PFKFB2: variants seen among roughly 807,000 people sequenced by gnomAD.
The protein encoded by PFKFB2 is 6-phosphofructo-2-kinase/fructose-2,6-bisphosphatase 2.
A neutral mutation model predicts 68.0 loss-of-function variants in PFKFB2; 53 were observed. That is an observed-to-expected ratio of 0.78 (90% CI 0.63 to 0.98). PFKFB2 has a LOEUF of 0.98. Ranked by LOEUF, PFKFB2 falls within the 50% of genes least tolerant of loss-of-function variation. The pLI is 0.00. For synonymous variants in PFKFB2, 222 were observed against 227.6 expected (o/e 0.98, Z 0.22); for missense variants, 451 against 642.0 (o/e 0.70, Z 3.22).
chr1:207,036,427 A>G (rs1682378022), intron 1 of PFKFB2, among the ~76,000 whole-genome samples: 1 of 152,214 alleles, frequency 6.6e-6, no homozygotes, highest in Non-Finnish European at 1.5e-5. Flanking sequence ...CTATAACTTC[A>G]TGAGTAACAA....
chr1:207,071,490 C>G lies in PFKFB2; in HGVS notation c.1286-19C>G, dbSNP rs759439853. ...TTGAACCTTTTTCTTTAAGTCCTCT[C>G]TTTCCTCTGTTTTCTCAGGGTGCAA... On this transcript the variant is annotated intron_variant, in intron 13 of 14. Coordinates refer to ENST00000367080, the MANE Select transcript of PFKFB2 (RefSeq NM_006212.2). 1.9e-6 allele frequency: 3 copies of G among 1,607,050 alleles called. No homozygotes were observed. The highest frequency in any genetic ancestry group is 2.6e-6 in the Non-Finnish European group (3 of 1,173,698).
intron 12 of PFKFB2, 59 bp from the exon 13 acceptor site, chr1:207,071,129 A>G (rs1475057122): frequency 7.5e-7 from 1 of 1,332,474 alleles, no homozygotes; most frequent in African/African-American, 1.4e-5. Flanking sequence ...TTCTTCCACT[A>G]ACTTGACCTT....
In PFKFB2 at chr1:207,073,051, G is replaced by T. The variant is rs1006309928; in HGVS notation, c.*680G>T. On this transcript the variant is annotated 3_prime_UTR_variant, in exon 15 of 15. Transcript: ENST00000367080. ...TCCTCTCCAGCCAGGTCCTGTAAGG[G>T]CCAGCCCAGACTACAGGACATCCAC... 30 of 985,354 alleles carry T rather than the reference G, an allele frequency of 3.0e-5. No individual in the cohort carries two copies. Among genetic ancestry groups the T allele is most frequent in the Non-Finnish European group, 3.6e-5 (30 of 830,012 alleles). 61.0% of individuals were successfully genotyped at this position (985,354 alleles called of 1,614,324 possible). A position where few individuals can be genotyped will look rare whatever the true frequency, so the allele number is the denominator to read the frequency against.
intron 2 of PFKFB2, among the ~76,000 whole-genome samples, chr1:207,058,156 G>A (rs1400364729): frequency 5.3e-5 from 8 of 152,334 alleles, no homozygotes; most frequent in Admixed American, 1.3e-4. Flanking sequence ...GTGTTTGACC[G>A]TAGTTATACG....
intron 2 of PFKFB2, among the ~76,000 whole-genome samples, chr1:207,057,483 GA>G (rs200362087): frequency 0.073 from 10,188 of 139,040 alleles, 1,138 homozygotes; most frequent in African/African-American, 0.24. Context: ...ATCTCAGGGG[GA>G]AAAAAAAAAA....
At chr1:207,065,212 GA>G (rs1683248543) in intron 8 of PFKFB2, 52 bp downstream of exon 8, 1 of 1,597,980 alleles carries the variant, frequency 6.3e-7, no homozygotes, top group Admixed American at 1.7e-5. Context: ...TCTCATCTGG[GA>G]AAATAACCTT....
In PFKFB2 at chr1:207,072,781, C is replaced by A; in HGVS notation, c.*410C>A. ...GGAGGGCGGGTGAGCAGTCGGGGGA[C>A]AAAAAGTCTATTTTTCCTTCACTTT... On this transcript the variant is annotated 3_prime_UTR_variant, in exon 15 of 15. Transcript: ENST00000367080. The A allele has an allele frequency of 2.0e-6, 2 of 1,000,874 alleles. No homozygotes were observed. Among genetic ancestry groups the A allele is most frequent in the Non-Finnish European group, 2.4e-6 (2 of 840,190 alleles). 62.0% of individuals were successfully genotyped at this position (1,000,874 alleles called of 1,614,324 possible). A position where few individuals can be genotyped will look rare whatever the true frequency, so the allele number is the denominator to read the frequency against.
chr1:207,054,145 G>T (rs911455167), intron 1 of PFKFB2, among the ~76,000 whole-genome samples: 1 of 151,556 alleles, frequency 6.6e-6, no homozygotes, highest in Non-Finnish European at 1.5e-5. Context: ...CTCTTGATCC[G>T]CCCGCCTCAG....
At chr1:207,061,846 T>C (rs1425123480) in intron 2 of PFKFB2, 107 bp from the exon 3 acceptor site, 5 of 938,778 alleles carry the variant, frequency 5.3e-6, no homozygotes, top group Non-Finnish European at 6.9e-6. Flanking sequence ...CACGCCACTG[T>C]ACTCCAGCCT....
In PFKFB2 at chr1:207,072,967, T is replaced by C; in HGVS notation, c.*596T>C. 1.0e-6 allele frequency: 1 copy of C among 985,744 alleles called. No individual in the cohort carries two copies. Among genetic ancestry groups the C allele is most frequent in the Non-Finnish European group, 1.2e-6 (1 of 830,192 alleles). 61.1% of individuals were successfully genotyped at this position (985,744 alleles called of 1,614,324 possible). ...GAGACAAGTCTGGCCCAGTTAATGC[T>C]TTCTGCAGTGGGTCTAAATGGATCT... On this transcript the variant is annotated 3_prime_UTR_variant, in exon 15 of 15. Transcript: ENST00000367080.
At chr1:207,043,507 T>C (rs1237616824) in intron 2 of PFKFB2, among the ~76,000 whole-genome samples, 2 of 152,198 alleles carry the variant, frequency 1.3e-5, no homozygotes, top group African/African-American at 2.4e-5. Flanking sequence ...TATAGTGATG[T>C]TGCTGTTTTC....
rs576006846 is a variant in PFKFB2, at chr1:207,063,937, G to A, written c.507+108G>A. ...TGTGTTGTTGGGGAGGGGTGTTTTC[G>A]TAATGAAAGAGAGAAATAGACATGT... is the stretch of plus-strand genomic sequence containing the variant. On this transcript the variant is annotated intron_variant, in intron 7 of 14. Transcript: ENST00000367080. The surrounding 1 kb of genome is among the most constrained non-coding windows in gnomAD (Gnocchi z 4.1). The A allele has an allele frequency of 7.1e-5, 54 of 761,780 alleles. No individual in the cohort carries two copies. The highest frequency in any genetic ancestry group is 1.1e-4 in the African/African-American group (6 of 55,972). The allele number at this position is 761,780 out of a possible 1,614,324, so 47.2% of individuals were successfully genotyped here. A position where few individuals can be genotyped will look rare whatever the true frequency, so the allele number is the denominator to read the frequency against.
At position 207,067,571 on chromosome 1, in the gene PFKFB2, G is replaced by C; in HGVS notation, c.705G>C (p.Gln235His). ...TCAACAGAGTCCAGGACTACATCCA[G>C]AGCAAGATAGTCTACTACCTCATGA... ...FLVNRVQDYI[Q>H]SKIVYYLMNI... The change falls in exon 9 of 15, where the codon CAG becomes CAC. Residue 235 changes from glutamine to histidine, a missense_variant. Gln to His is a conservative substitution (Grantham distance 24, BLOSUM62 0). Coordinates refer to ENST00000367080, the MANE Select transcript of PFKFB2 (RefSeq NM_006212.2). 6.2e-7 allele frequency: 1 copy of C among 1,613,858 alleles called. No individual in the cohort carries two copies. Among genetic ancestry groups the C allele is most frequent in the Non-Finnish European group, 8.5e-7 (1 of 1,179,890 alleles).
At chr1:207,055,238 G>T in intron 2 of PFKFB2, among the ~76,000 whole-genome samples, 1 of 152,198 alleles carries the variant, frequency 6.6e-6, no homozygotes, top group East Asian at 1.9e-4. Context: ...AGCCAGTGCT[G>T]CTTGGTTTCC....
At chr1:207,057,560 G>A (rs1378324167) in intron 2 of PFKFB2, among the ~76,000 whole-genome samples, 1 of 150,080 alleles carries the variant, frequency 6.7e-6, no homozygotes, top group African/African-American at 2.4e-5. Flanking sequence ...AGTAGTTCTG[G>A]AACAGACAAA....
rs1399199449 is a variant in PFKFB2 at position 207,072,502 on chromosome 1, A to G, written c.*131A>G. The G allele has an allele frequency of 2.1e-6, 3 of 1,457,722 alleles. No homozygotes were observed. The highest frequency in any genetic ancestry group is 2.7e-6 in the Non-Finnish European group (3 of 1,106,250). 90.3% of individuals were successfully genotyped at this position (1,457,722 alleles called of 1,614,324 possible). A position where few individuals can be genotyped will look rare whatever the true frequency, so the allele number is the denominator to read the frequency against. ...CTATGCCCACCCCTGACACTTCACCATTAATCTTAACACAGAACATGAGGT... is the reference window on the plus strand; with the variant it reads ...CTATGCCCACCCCTGACACTTCACCGTTAATCTTAACACAGAACATGAGGT... On this transcript the variant is annotated 3_prime_UTR_variant, in exon 15 of 15. Transcript: ENST00000367080.
rs1683644863 is a variant in PFKFB2 at position 207,076,978 on chromosome 1, T to C, written c.*4607T>C. On this transcript the variant is annotated 3_prime_UTR_variant, in exon 15 of 15. Coordinates refer to ENST00000367080, the MANE Select transcript of PFKFB2 (RefSeq NM_006212.2). ...ACGTGTTTTCTTTATAGGGGAGTTC[T>C]GTACACTATGATTTTAAATAGATAT... 1 of 980,658 alleles carries C rather than the reference T, an allele frequency of 1.0e-6. No individual in the cohort carries two copies. The allele number at this position is 980,658 out of a possible 1,614,324, so 60.7% of individuals were successfully genotyped here.
upstream of PFKFB2, among the ~76,000 whole-genome samples, chr1:207,051,347 A>G (rs1206241948): frequency 6.6e-6 from 1 of 151,472 alleles, no homozygotes; most frequent in Non-Finnish European, 1.5e-5. Context: ...CTTCCACACT[A>G]CACCCAGACT....
At chr1:207,061,751 G>A (rs891280030) in intron 2 of PFKFB2, among the ~76,000 whole-genome samples, 2 of 152,106 alleles carry the variant, frequency 1.3e-5, no homozygotes, top group African/African-American at 4.8e-5. Context: ...GCATGGTGGA[G>A]GGCGCCTGTA....
Sources: gnomAD v4.1 joint callset for allele counts (sites outside exome capture counted in the v4.1 genomes callset) on GRCh38, gnomAD v4.1.1 for gene constraint, Gnocchi (gnomAD v3.1) non-coding constraint, MANE v1.5 for transcripts, NCBI Gene and HGNC (gene_info 2026-07-23, HGNC 2026-07-21) for gene names.